The following KCNB2 variants were observed in gnomAD, a reference collection of about 807,000 sequenced individuals.
The protein encoded by KCNB2 is potassium voltage-gated channel subfamily B member 2, also known as delayed rectifier potassium channel protein.
KCNB2 carries 15 observed loss-of-function variants against 61.5 expected under a neutral mutation model. The ratio of observed to expected loss-of-function variants is 0.24; its 90% CI spans 0.16 to 0.38. The LOEUF (loss-of-function observed/expected upper bound fraction) is 0.38, where lower values mean the gene tolerates loss of function less well. Among genes scored for constraint, KCNB2 ranks in the 10% least tolerant of loss-of-function variants. The pLI is 1.00. For synonymous variants in KCNB2, 457 were observed against 446.0 expected (o/e 1.02, Z -0.31); for missense variants, 828 against 1,125.2 (o/e 0.74, Z 3.78).
intron 2 of KCNB2, among the ~76,000 whole-genome samples, chr8:72,673,759 G>A (rs1258992562): frequency 6.6e-6 from 1 of 152,178 alleles, no homozygotes; most frequent in Non-Finnish European, 1.5e-5. Flanking sequence ...CATTTAGACA[G>A]AAAGTAGAAT....
In KCNB2 at chr8:72,574,948, T is replaced by G. The variant is rs190891232; in HGVS notation, c.579+6635T>G. Among the ~76,000 whole-genome samples the G allele has an allele frequency of 9.6e-4, 146 of 152,246 alleles. 4 individuals carry two copies. The highest frequency in any genetic ancestry group is 1.2e-4 in the Non-Finnish European group (8 of 67,996). Reference sequence around the variant, plus strand: ...TCCACTTTGGAAGACTCTAGAAGGGTTTGAATAATGTTTTTGATTAGGTGT... The same window carrying G: ...TCCACTTTGGAAGACTCTAGAAGGGGTTGAATAATGTTTTTGATTAGGTGT... On this transcript the variant is annotated intron_variant, in intron 2 of 2. Transcript: ENST00000523207.
chr8:72,726,173 C>A (rs895943145), intron 2 of KCNB2, among the ~76,000 whole-genome samples: 1 of 152,106 alleles, frequency 6.6e-6, no homozygotes, highest in South Asian at 2.1e-4. Context: ...TGGGGTTAGT[C>A]CCCTTGTAAG....
intron 2 of KCNB2, among the ~76,000 whole-genome samples, chr8:72,583,234 C>T (rs1428621251): frequency 6.6e-6 from 1 of 152,156 alleles, no homozygotes; most frequent in Non-Finnish European, 1.5e-5. Flanking sequence ...GAGCCTTAAT[C>T]AGTCCCTTTT....
intron 2 of KCNB2, among the ~76,000 whole-genome samples, chr8:72,845,745 A>G (rs971061888): frequency 5.3e-5 from 8 of 150,158 alleles, no homozygotes; most frequent in Non-Finnish European, 1.2e-4. Context: ...CCGTGAGGGG[A>G]AAATCACCTA....
intron 2 of KCNB2, among the ~76,000 whole-genome samples, chr8:72,743,652 G>T (rs187444074): frequency 1.2e-4 from 18 of 152,212 alleles, no homozygotes; most frequent in African/African-American, 4.3e-4. Context: ...TAAATTACTT[G>T]CTTTCTGTAT....
At chr8:72,677,173 G>A (rs960953376) in intron 2 of KCNB2, among the ~76,000 whole-genome samples, 13 of 152,174 alleles carry the variant, frequency 8.5e-5, no homozygotes, top group Admixed American at 3.9e-4. Context: ...ACTACAGGAA[G>A]CTAGGAGACA....
chr8:72,611,957 T>TA (rs910035176), intron 2 of KCNB2, among the ~76,000 whole-genome samples: 33 of 152,182 alleles, frequency 2.2e-4, no homozygotes, highest in African/African-American at 7.7e-4. Flanking sequence ...TGAAACATGT[T>TA]AAAAAAATCC....
At chr8:72,756,840 A>AAT (rs1808298450) in intron 2 of KCNB2, among the ~76,000 whole-genome samples, 1 of 152,180 alleles carries the variant, frequency 6.6e-6, no homozygotes, top group African/African-American at 2.4e-5. Context: ...TAGGGAGTCA[A>AAT]AGAGGGGTCT....
intron 2 of KCNB2, among the ~76,000 whole-genome samples, chr8:72,642,087 C>T (rs780450359): frequency 6.6e-5 from 10 of 152,090 alleles, no homozygotes; most frequent in Admixed American, 3.9e-4. Flanking sequence ...GAAGACTGAT[C>T]GACGTTGTTC....
intron 2 of KCNB2, among the ~76,000 whole-genome samples, chr8:72,652,011 A>T (rs1307825701): frequency 6.6e-6 from 1 of 152,054 alleles, no homozygotes; most frequent in Non-Finnish European, 1.5e-5. Flanking sequence ...TTTGTATCTC[A>T]TTCCCTATGT....
chr8:72,920,334 C>T (rs1198516875), intron 2 of KCNB2, among the ~76,000 whole-genome samples: 1 of 150,856 alleles, frequency 6.6e-6, no homozygotes, highest in Non-Finnish European at 1.5e-5. Context: ...AAAATAATGT[C>T]CTGGCCAGGC....
chr8:72,562,287 C>A (rs183289569), intron 1 of KCNB2, among the ~76,000 whole-genome samples: 59 of 152,288 alleles, frequency 3.9e-4, no homozygotes, highest in African/African-American at 1.3e-3. Flanking sequence ...CCCACTCCCC[C>A]TCCAAACCTG....
At chr8:72,621,200 T>G (rs1347784280) in intron 2 of KCNB2, among the ~76,000 whole-genome samples, 1 of 152,214 alleles carries the variant, frequency 6.6e-6, no homozygotes, top group Non-Finnish European at 1.5e-5. Context: ...CTGACCTGTA[T>G]ATTTTTATTT....
At chr8:72,740,333 G>C (rs926232341) in intron 2 of KCNB2, among the ~76,000 whole-genome samples, 1 of 152,112 alleles carries the variant, frequency 6.6e-6, no homozygotes. Context: ...TATAAACAGG[G>C]ACCCATGTGT....
chr8:72,735,674 A>C (rs997855774), intron 2 of KCNB2, among the ~76,000 whole-genome samples: 1 of 152,196 alleles, frequency 6.6e-6, no homozygotes, highest in African/African-American at 2.4e-5. Context: ...TGCTTAGTAT[A>C]TTAAGAAGAA....
chr8:72,794,649 T>C (rs1809000579), intron 2 of KCNB2, among the ~76,000 whole-genome samples: 1 of 149,896 alleles, frequency 6.7e-6, no homozygotes, highest in Non-Finnish European at 1.5e-5. Flanking sequence ...AGGTTAAAGG[T>C]AGGTGACTAA....
At chr8:72,871,672 T>C (rs1009892568) in intron 2 of KCNB2, among the ~76,000 whole-genome samples, 1 of 152,198 alleles carries the variant, frequency 6.6e-6, no homozygotes, top group African/African-American at 2.4e-5. Context: ...AATGAATCAT[T>C]CTTAATTCTC....
At chr8:72,768,894 C>T (rs186285375) in intron 2 of KCNB2, among the ~76,000 whole-genome samples, 23 of 152,252 alleles carry the variant, frequency 1.5e-4, no homozygotes, top group African/African-American at 5.5e-4. Flanking sequence ...GGCACGGTGG[C>T]TTATGCCTGT....
At chr8:72,641,388 A>C (rs1806052733) in intron 2 of KCNB2, among the ~76,000 whole-genome samples, 1 of 152,072 alleles carries the variant, frequency 6.6e-6, no homozygotes, top group Non-Finnish European at 1.5e-5. Context: ...TGTCTATTCA[A>C]GGGAGAGATA....
Sources: gnomAD v4.1 joint callset for allele counts (sites outside exome capture counted in the v4.1 genomes callset) on GRCh38, gnomAD v4.1.1 for gene constraint, MANE v1.5 for transcripts, NCBI Gene and HGNC (gene_info 2026-07-23, HGNC 2026-07-21) for gene names.